Variants in CDH18 observed in about 807,000 individuals in gnomAD.
CDH18 encodes the protein cadherin-18.
Under a neutral mutation model 67.9 loss-of-function variants are expected in CDH18, and 31 were observed. The ratio of observed to expected loss-of-function variants is 0.46; its 90% CI spans 0.34 to 0.62. The LOEUF (loss-of-function observed/expected upper bound fraction) is 0.62, where lower values mean the gene tolerates loss of function less well. CDH18 is among the 20% of genes least tolerant of loss of function. The pLI is 0.01. For missense variants in CDH18, 890 were observed against 975.5 expected (o/e 0.91, Z 1.17); for synonymous variants, 362 against 347.2 (o/e 1.04, Z -0.48).
At chr5:20,087,231 G>A (rs559937987) in intron 2 of CDH18, among the ~76,000 whole-genome samples, 7 of 152,048 alleles carry the variant, frequency 4.6e-5, no homozygotes, top group Non-Finnish European at 8.8e-5. Context: ...TCATGACAAA[G>A]GTTGAATGGG....
chr5:19,828,516 C>A (rs1272724696), intron 3 of CDH18, among the ~76,000 whole-genome samples: 1 of 152,174 alleles, frequency 6.6e-6, no homozygotes, highest in East Asian at 1.9e-4. Flanking sequence ...CCAAATCCAG[C>A]AGCACATCAA....
At chr5:20,252,867 C>T (rs772667735) in intron 2 of CDH18, among the ~76,000 whole-genome samples, 1 of 150,604 alleles carries the variant, frequency 6.6e-6, no homozygotes, top group Admixed American at 6.6e-5. Context: ...AACCGGGAGG[C>T]GGAGCTTGTA....
chr5:19,694,134 A>T (rs1184379258), intron 5 of CDH18, among the ~76,000 whole-genome samples: 1 of 152,156 alleles, frequency 6.6e-6, no homozygotes, highest in Non-Finnish European at 1.5e-5. Context: ...ATGCTTTCCA[A>T]AAACATCAAT....
chr5:20,501,381 ACT>A (rs1754238255), intron 1 of CDH18, among the ~76,000 whole-genome samples: 1 of 146,992 alleles, frequency 6.8e-6, no homozygotes, highest in African/African-American at 2.5e-5. Context: ...TTTATACTTC[ACT>A]GTTACCAAAT....
intron 2 of CDH18, among the ~76,000 whole-genome samples, chr5:20,187,401 C>G (rs1215338751): frequency 2.6e-5 from 4 of 151,756 alleles, no homozygotes; most frequent in Non-Finnish European, 5.9e-5. Context: ...AAAATTTCTT[C>G]CTTTTGTAGA....
intron 1 of CDH18, among the ~76,000 whole-genome samples, chr5:20,346,658 G>A (rs1311845836): frequency 1.3e-5 from 2 of 152,070 alleles, no homozygotes; most frequent in Non-Finnish European, 2.9e-5. Flanking sequence ...ACCTCTAGAT[G>A]GCTCTTTACA....
intron 3 of CDH18, among the ~76,000 whole-genome samples, chr5:19,786,301 C>T (rs1775765939): frequency 6.6e-6 from 1 of 152,080 alleles, no homozygotes; most frequent in Admixed American, 6.6e-5. Context: ...AGTCCAATAA[C>T]TCAACAATAA....
At chr5:19,555,993 C>A (rs949510094) in intron 8 of CDH18, among the ~76,000 whole-genome samples, 1 of 152,090 alleles carries the variant, frequency 6.6e-6, no homozygotes, top group African/African-American at 2.4e-5. Flanking sequence ...CCTGGTAGCT[C>A]CACTGGGTGG....
At position 19,755,446 on chromosome 5, in the gene CDH18, T is replaced by TACAC. The variant is rs1342535970; in HGVS notation, c.229-8211_229-8210insGTGT. On this transcript the variant is annotated intron_variant, in intron 3 of 12. Transcript: ENST00000382275. ...AACAGGGTATGTATATATATATATA[T>TACAC]ATATATATATATACACACACACACA... is the stretch of plus-strand genomic sequence containing the variant. Among the ~76,000 whole-genome samples, 11 of 10,586 alleles carry TACAC rather than the reference T, an allele frequency of 1.0e-3. 2 individuals carry two copies. In the Non-Finnish European group the frequency reaches 0.014, roughly 13 times the overall value. 6.9% of individuals were successfully genotyped at this position (10,586 alleles called of 152,430 possible). A position where few individuals can be genotyped will look rare whatever the true frequency, so the allele number is the denominator to read the frequency against.
At chr5:19,909,128 T>C (rs989604873) in intron 2 of CDH18, among the ~76,000 whole-genome samples, 1 of 152,074 alleles carries the variant, frequency 6.6e-6, no homozygotes, top group Non-Finnish European at 1.5e-5. Context: ...ATTTTCTACA[T>C]TTATGGAGGA....
intron 11 of CDH18, among the ~76,000 whole-genome samples, chr5:19,485,472 G>C (rs865781466): frequency 1.3e-5 from 2 of 152,024 alleles, no homozygotes; most frequent in Non-Finnish European, 2.9e-5. Flanking sequence ...AGCCAGGATG[G>C]TCTCGATCTC....
At position 20,082,425 on chromosome 5, in the gene CDH18, C is replaced by T. The variant is rs147212175; in HGVS notation, c.-517-90411G>A. 2.7e-4 allele frequency among the ~76,000 whole-genome samples: 41 copies of T among 152,266 alleles called. 1 individual carries two copies. The East Asian group carries it at 6.0e-3, about 22-fold the overall frequency. On this transcript the variant is annotated intron_variant, in intron 2 of 14. Coordinates refer to the CDH18 transcript ENST00000507958. ...GAAATGACAATTGCTTTTGCATCAA[C>T]TCAGTAGTTTCTAATGTACTATTTT... is the stretch of plus-strand genomic sequence containing the variant.
intron 2 of CDH18, among the ~76,000 whole-genome samples, chr5:20,040,260 T>C (rs1225574978): frequency 2.0e-5 from 3 of 152,052 alleles, no homozygotes; most frequent in African/African-American, 4.8e-5. Context: ...ATTCTGCATA[T>C]GTATCCCAGA....
chr5:19,476,159 GA>G (rs1035374921), intron 12 of CDH18, among the ~76,000 whole-genome samples: 2 of 151,724 alleles, frequency 1.3e-5, no homozygotes, highest in African/African-American at 4.8e-5. Flanking sequence ...AAAAAGACAG[GA>G]AAAAAACATC....
At chr5:20,504,844 T>C (rs1561073231) in intron 1 of CDH18, among the ~76,000 whole-genome samples, 1 of 144,416 alleles carries the variant, frequency 6.9e-6, no homozygotes, top group Non-Finnish European at 1.5e-5. Context: ...CTCAGCTCAC[T>C]GCAGGCTCTG....
Position 19,743,908 on chromosome 5 carries a change from G to A in CDH18, c.523+3034C>T, listed in dbSNP as rs185598314. 7.2e-4 allele frequency among the ~76,000 whole-genome samples: 81 copies of A among 111,746 alleles called. 1 individual carries two copies. The highest frequency in any genetic ancestry group is 6.9e-3 in the East Asian group (25 of 3,598). 73.3% of individuals were successfully genotyped at this position (111,746 alleles called of 152,430 possible). A position where few individuals can be genotyped will look rare whatever the true frequency, so the allele number is the denominator to read the frequency against. ...TGCACTCCAGCCTGGGCGGCAGAGT[G>A]AGACTCTTGTCTCAAAAAAAAAAAA... On this transcript the variant is annotated intron_variant, in intron 4 of 12. Transcript: ENST00000382275.
At chr5:19,781,275 T>C (rs1449928324) in intron 3 of CDH18, among the ~76,000 whole-genome samples, 5 of 152,078 alleles carry the variant, frequency 3.3e-5, no homozygotes, top group Non-Finnish European at 5.9e-5. Flanking sequence ...TGTAAGAGTA[T>C]TGACATTTTT....
At chr5:19,842,326 C>A (rs1184312964) in intron 2 of CDH18, among the ~76,000 whole-genome samples, 1 of 152,120 alleles carries the variant, frequency 6.6e-6, no homozygotes, top group African/African-American at 2.4e-5. Flanking sequence ...GGGAAAGGGA[C>A]CTCATGGGAG....
At chr5:20,093,532 T>C (rs1323946421) in intron 2 of CDH18, among the ~76,000 whole-genome samples, 1 of 152,174 alleles carries the variant, frequency 6.6e-6, no homozygotes, top group African/African-American at 2.4e-5. Context: ...AAAGATTTTC[T>C]ACTCAAATGC....
Sources: gnomAD v4.1 joint callset for allele counts (sites outside exome capture counted in the v4.1 genomes callset) on GRCh38, gnomAD v4.1.1 for gene constraint, MANE v1.5 for transcripts, NCBI Gene and HGNC (gene_info 2026-07-23, HGNC 2026-07-21) for gene names.